The following DERA variants were observed in gnomAD, a reference collection of about 807,000 sequenced individuals.
DERA encodes the protein 2-deoxy-D-ribose 5-phosphate aldolase.
In DERA, 15 loss-of-function variants were observed where a neutral mutation model predicts 41.1. That is an observed-to-expected ratio of 0.37 (90% CI 0.24 to 0.56). DERA has a LOEUF of 0.56. Ranked by LOEUF, DERA falls within the 20% of genes least tolerant of loss-of-function variation. DERA has a pLI of 0.81. For synonymous variants in DERA, 139 were observed against 137.4 expected, an observed-to-expected ratio of 1.01 and a Z score of -0.08; for missense variants, 396 against 403.4, an observed-to-expected ratio of 0.98 and a Z score of 0.16.
rs1948787092 is a variant in DERA, at chr12:15,989,421, C to T, written c.637+6985C>T. Among the ~76,000 whole-genome samples, 1 of 152,156 alleles carries T rather than the reference C, an allele frequency of 6.6e-6. No homozygotes were observed. Among genetic ancestry groups the T allele is most frequent in the African/African-American group, 2.4e-5 (1 of 41,434 alleles). Reference sequence around the variant, plus strand: ...ATTCTTTTTTATAATTTTTATTTCTCTACTGACATGTCCCCACTTTTTCAC... The same window carrying T: ...ATTCTTTTTTATAATTTTTATTTCTTTACTGACATGTCCCCACTTTTTCAC... On this transcript the variant is annotated intron_variant, in intron 6 of 8. Transcript: ENST00000428559. This position sits in a 1 kb window ranked among gnomAD's most constrained non-coding sequence, Gnocchi z 5.2.
At chr12:15,920,696 G>A (rs530687012) in intron 1 of DERA, among the ~76,000 whole-genome samples, 2 of 152,322 alleles carry the variant, frequency 1.3e-5, no homozygotes, top group East Asian at 3.9e-4. Flanking sequence ...AGCTGGGCGT[G>A]GTGGCACATG....
In DERA at chr12:15,996,009, C is replaced by T. The variant is rs1454702282; in HGVS notation, c.637+13573C>T. On this transcript the variant is annotated intron_variant, in intron 6 of 8. Coordinates refer to ENST00000428559, the MANE Select transcript of DERA (RefSeq NM_015954.4). The surrounding 1 kb of genome is among the most constrained non-coding windows in gnomAD (Gnocchi z 4.7). ...GTGCGCCACATCAGGAGGTAGGAGA[C>T]GTTCGAGGCACAGGCTGAGTGAGCC... Among the ~76,000 whole-genome samples the T allele has an allele frequency of 1.3e-5, 2 of 152,060 alleles. No homozygotes were observed. Among genetic ancestry groups the T allele is most frequent in the African/African-American group, 4.8e-5 (2 of 41,416 alleles).
intron 1 of DERA, among the ~76,000 whole-genome samples, chr12:15,951,163 C>T (rs1948494891): frequency 1.3e-5 from 2 of 152,202 alleles, no homozygotes; most frequent in Non-Finnish European, 2.9e-5. Context: ...CCCACAGACC[C>T]CTGCCCATGG....
At position 15,958,355 on chromosome 12, in the gene DERA, T is replaced by A; in HGVS notation, c.277+20T>A. ...ATAAAGGTAATGTTGTTGTGTGTGA[T>A]CTATGTGGTGTTTAGTGCTTACAAT... On this transcript the variant is annotated intron_variant, in intron 3 of 8. Transcript: ENST00000428559. The A allele has an allele frequency of 6.3e-7, 1 of 1,584,630 alleles. No individual in the cohort carries two copies.
intron 5 of DERA, among the ~76,000 whole-genome samples, chr12:15,971,567 A>T (rs1298226002): frequency 2.3e-5 from 3 of 132,374 alleles, no homozygotes; most frequent in Non-Finnish European, 4.6e-5. Context: ...CCCAGGCTGG[A>T]GTGCAATGGT....
intron 6 of DERA, among the ~76,000 whole-genome samples, chr12:16,030,585 C>A (rs1949085898): frequency 6.6e-6 from 1 of 152,138 alleles, no homozygotes; most frequent in Admixed American, 6.5e-5. Flanking sequence ...ACATTTCCTT[C>A]ATTCAATCTC....
At chr12:15,978,624 A>G (rs953503578) in intron 5 of DERA, among the ~76,000 whole-genome samples, 4 of 152,218 alleles carry the variant, frequency 2.6e-5, no homozygotes, top group African/African-American at 4.8e-5. Context: ...TCAAAGTAGC[A>G]TGGGTTCTTA....
rs1001172300 is a variant in DERA at position 15,957,270 on chromosome 12, G to A, written c.129+237G>A. Among the ~76,000 whole-genome samples the A allele has an allele frequency of 6.6e-6, 1 of 152,136 alleles. No individual in the cohort carries two copies. The highest frequency in any genetic ancestry group is 1.5e-5 in the Non-Finnish European group (1 of 68,024). ...TGGCAAAACCGCAAATGAATTTGAG[G>A]CATCTTTATTCATGAGTGAATTAAA... On this transcript the variant is annotated intron_variant, in intron 2 of 8. Coordinates refer to ENST00000428559, the MANE Select transcript of DERA (RefSeq NM_015954.4). This position sits in a 1 kb window ranked among gnomAD's most constrained non-coding sequence, Gnocchi z 4.8.
At position 16,019,626 on chromosome 12, in the gene DERA, TTTC is replaced by T. The variant is rs1441607282; in HGVS notation, c.638-12913_638-12911del. ...CCATATACTTTCTTTGCTTTTGGTGTTTCTTTTTATGGTGGTGTTCTTCCATGT... is the reference window on the plus strand; with the variant it reads ...CCATATACTTTCTTTGCTTTTGGTGTTTTTTATGGTGGTGTTCTTCCATGT... On this transcript the variant is annotated intron_variant, in intron 6 of 8. Transcript: ENST00000428559. This position sits in a 1 kb window ranked among gnomAD's most constrained non-coding sequence, Gnocchi z 4.4. Among the ~76,000 whole-genome samples the T allele has an allele frequency of 6.6e-6, 1 of 152,216 alleles. No individual in the cohort carries two copies. The highest frequency in any genetic ancestry group is 1.5e-5 in the Non-Finnish European group (1 of 68,046).
chr12:15,968,033 C>A (rs538742641), intron 5 of DERA, among the ~76,000 whole-genome samples: 13 of 151,970 alleles, frequency 8.6e-5, no homozygotes, highest in African/African-American at 3.1e-4. Flanking sequence ...TCCTTCCCCA[C>A]CAGTCCCATG....
Position 15,982,509 on chromosome 12 carries a change from A to G in DERA, c.637+73A>G, listed in dbSNP as rs1340314972. The G allele has an allele frequency of 9.6e-6, 14 of 1,454,602 alleles. No homozygotes were observed. Among genetic ancestry groups the G allele is most frequent in the Non-Finnish European group, 1.3e-5 (14 of 1,089,884 alleles). The allele number at this position is 1,454,602 out of a possible 1,614,324, so 90.1% of individuals were successfully genotyped here. Reference sequence around the variant, plus strand: ...TAGGAGAAATTAAGTAAGTGAAAGCATTTAGCTATTATTAAACGTGCTAAC... The same window carrying G: ...TAGGAGAAATTAAGTAAGTGAAAGCGTTTAGCTATTATTAAACGTGCTAAC... On this transcript the variant is annotated intron_variant, in intron 6 of 8. Coordinates refer to ENST00000428559, the MANE Select transcript of DERA (RefSeq NM_015954.4). This position sits in a 1 kb window ranked among gnomAD's most constrained non-coding sequence, Gnocchi z 4.0.
Position 15,990,773 on chromosome 12 carries a change from G to A in DERA, c.637+8337G>A, listed in dbSNP as rs999515119. 1.3e-5 allele frequency among the ~76,000 whole-genome samples: 2 copies of A among 152,146 alleles called. No individual in the cohort carries two copies. The highest frequency in any genetic ancestry group is 1.3e-4 in the Admixed American group (2 of 15,278). On this transcript the variant is annotated intron_variant, in intron 6 of 8. Transcript: ENST00000428559. The surrounding 1 kb of genome is among the most constrained non-coding windows in gnomAD (Gnocchi z 4.3). The stretch of plus-strand genomic sequence containing the variant: ...CAGCTCCATCCATGTCCCTGCAAAG[G>A]ATATGATCTCATTCTTTTTTTATGG...
At chr12:16,028,525 A>T (rs1949068783) in intron 6 of DERA, among the ~76,000 whole-genome samples, 1 of 152,224 alleles carries the variant, frequency 6.6e-6, no homozygotes, top group Non-Finnish European at 1.5e-5. Flanking sequence ...CCACTCCTTA[A>T]ATGTGGGATA....
At position 15,949,540 on chromosome 12, in the gene DERA, G is replaced by A. The variant is rs142185636; in HGVS notation, c.32-7396G>A. ...CTCCTGGTGTGCCGTTTGCTAAGAC[G>A]ATTCGAAAAGCACAGTGTTAGGGTG... On this transcript the variant is annotated intron_variant, in intron 1 of 8. Transcript: ENST00000428559. Among the ~76,000 whole-genome samples, 876 of 152,300 alleles carry A rather than the reference G, an allele frequency of 5.8e-3. 12 individuals carry two copies. The highest frequency in any genetic ancestry group is 0.02 in the African/African-American group (825 of 41,554).
Position 15,911,382 on chromosome 12 carries a change from C to T in DERA, c.-2C>T, listed in dbSNP as rs560125520. The T allele has an allele frequency of 1.1e-5, 15 of 1,406,414 alleles. No homozygotes were observed. The East Asian group carries it at 2.6e-4, about 25-fold the overall frequency. 87.1% of individuals were successfully genotyped at this position (1,406,414 alleles called of 1,614,324 possible). On this transcript the variant is annotated 5_prime_UTR_variant, in exon 1 of 9. Transcript: ENST00000428559. The surrounding 1 kb of genome is among the most constrained non-coding windows in gnomAD (Gnocchi z 4.5). Reference sequence around the variant, plus strand: ...GCCGGCAGCTCCGGAGCTGCCCGCGCCATGTCCGCGCACAATCGGGGCACC... The same window carrying T: ...GCCGGCAGCTCCGGAGCTGCCCGCGTCATGTCCGCGCACAATCGGGGCACC...
chr12:15,940,152 CAAT>C lies in DERA; in HGVS notation c.32-16783_32-16781del, dbSNP rs1437428547. 6.6e-6 allele frequency among the ~76,000 whole-genome samples: 1 copy of C among 152,110 alleles called. No individual in the cohort carries two copies. Among genetic ancestry groups the C allele is most frequent in the Non-Finnish European group, 1.5e-5 (1 of 68,024 alleles). On this transcript the variant is annotated intron_variant, in intron 1 of 8. Coordinates refer to ENST00000428559, the MANE Select transcript of DERA (RefSeq NM_015954.4). The surrounding 1 kb of genome is among the most constrained non-coding windows in gnomAD (Gnocchi z 5.1). Reference sequence around the variant, plus strand: ...ACTGAATTTATAGTGGTAGTCACAACAATGTCAGTTATTTTATCTTCAGCAAAA... The same window carrying C: ...ACTGAATTTATAGTGGTAGTCACAACGTCAGTTATTTTATCTTCAGCAAAA...
At chr12:15,939,851 C>T (rs1043259684) in intron 1 of DERA, among the ~76,000 whole-genome samples, 4 of 152,082 alleles carry the variant, frequency 2.6e-5, no homozygotes, top group Non-Finnish European at 4.4e-5. Flanking sequence ...TTAATGTCAC[C>T]TTTTTCACAA....
intron 6 of DERA, among the ~76,000 whole-genome samples, chr12:16,028,722 A>G (rs1271689239): frequency 1.3e-5 from 2 of 152,226 alleles, no homozygotes; most frequent in African/African-American, 4.8e-5. Flanking sequence ...GTTTCCCTCT[A>G]TGGTCTTACC....
chr12:15,986,327 A>G (rs1948764159), intron 6 of DERA, among the ~76,000 whole-genome samples: 1 of 152,056 alleles, frequency 6.6e-6, no homozygotes, highest in Non-Finnish European at 1.5e-5. Flanking sequence ...TTTACATTTC[A>G]TGTAATTGAT....
Sources: allele counts gnomAD v4.1 joint callset (sites outside exome capture counted in the v4.1 genomes callset), GRCh38; gene constraint gnomAD v4.1.1; non-coding constraint Gnocchi (gnomAD v3.1); transcripts MANE v1.5; gene names NCBI Gene and HGNC (gene_info 2026-07-23, HGNC 2026-07-21).